Variants in CNTN4 observed in about 807,000 individuals in gnomAD.
The protein encoded by CNTN4 is contactin-4.
CNTN4 carries 77 observed loss-of-function variants against 122.5 expected under a neutral mutation model. That is an observed-to-expected ratio of 0.63 (90% CI 0.52 to 0.76). The LOEUF (loss-of-function observed/expected upper bound fraction) is 0.76, where lower values mean the gene tolerates loss of function less well. Among genes scored for constraint, CNTN4 ranks in the 30% least tolerant of loss-of-function variants. The pLI, the probability that CNTN4 is intolerant of heterozygous loss-of-function variation, is 0.00. For missense variants in CNTN4, 1,256 were observed against 1,259.1 expected (o/e 1.00, Z 0.04); for synonymous variants, 512 against 447.0 (o/e 1.15, Z -1.83).
intron 4 of CNTN4, among the ~76,000 whole-genome samples, chr3:2,594,253 G>A (rs752867525): frequency 1.3e-5 from 2 of 151,920 alleles, no homozygotes; most frequent in Non-Finnish European, 2.9e-5. Context: ...AATTTGAAAT[G>A]TTACTGATTA....
At chr3:2,705,755 T>G (rs1365681046) in intron 4 of CNTN4, among the ~76,000 whole-genome samples, 2 of 102,904 alleles carry the variant, frequency 1.9e-5, no homozygotes, top group African/African-American at 4.1e-5. Context: ...TGATATATAA[T>G]ATATAATATA....
chr3:2,733,649 T>G (rs2088865894), intron 4 of CNTN4, among the ~76,000 whole-genome samples: 1 of 151,652 alleles, frequency 6.6e-6, no homozygotes, highest in African/African-American at 2.4e-5. Flanking sequence ...TTCTCCTGCT[T>G]CAGCCTCCCG....
chr3:3,040,360 G>A, intron 20 of CNTN4, 89 bp downstream of exon 20: 1 of 999,164 alleles, frequency 1.0e-6, no homozygotes, highest in Non-Finnish European at 1.6e-6. Flanking sequence ...ATTTCGCATG[G>A]TACATGTATC....
chr3:2,513,636 T>G (rs2076955732), intron 3 of CNTN4, among the ~76,000 whole-genome samples: 1 of 152,194 alleles, frequency 6.6e-6, no homozygotes, highest in Non-Finnish European at 1.5e-5. Flanking sequence ...ACTTATACCT[T>G]ACAATATTAA....
chr3:2,417,239 A>C (rs1483911851), intron 3 of CNTN4, among the ~76,000 whole-genome samples: 1 of 152,212 alleles, frequency 6.6e-6, no homozygotes, highest in East Asian at 1.9e-4. Context: ...CCAACTACAG[A>C]TAAATAACTG....
intron 4 of CNTN4, among the ~76,000 whole-genome samples, chr3:2,687,580 G>A (rs1357733715): frequency 1.3e-5 from 2 of 152,142 alleles, no homozygotes; most frequent in African/African-American, 2.4e-5. Context: ...TCCTCAAGAG[G>A]TGGAGGTTGC....
intron 2 of CNTN4, among the ~76,000 whole-genome samples, chr3:2,296,151 G>C (rs1257222193): frequency 1.3e-5 from 2 of 152,072 alleles, no homozygotes; most frequent in African/African-American, 4.8e-5. Flanking sequence ...GGATTGACTT[G>C]GCGATGCGGG....
intron 3 of CNTN4, among the ~76,000 whole-genome samples, chr3:2,528,707 T>C (rs1436857890): frequency 6.6e-6 from 1 of 152,158 alleles, no homozygotes; most frequent in Non-Finnish European, 1.5e-5. Context: ...TCTGGTAGAA[T>C]ATGAACCAAG....
At chr3:2,281,344 G>C (rs1472671971) in intron 2 of CNTN4, among the ~76,000 whole-genome samples, 1 of 152,068 alleles carries the variant, frequency 6.6e-6, no homozygotes, top group Non-Finnish European at 1.5e-5. Flanking sequence ...AAAATGCCTA[G>C]TACAGGGACT....
intron 3 of CNTN4, among the ~76,000 whole-genome samples, chr3:2,455,216 A>G (rs1016782970): frequency 5.9e-5 from 9 of 152,132 alleles, no homozygotes; most frequent in Non-Finnish European, 1.0e-4. Context: ...GCAGGAAGCA[A>G]TAGGCAAATT....
At chr3:2,210,695 C>A (rs1299920716) in intron 2 of CNTN4, among the ~76,000 whole-genome samples, 1 of 152,188 alleles carries the variant, frequency 6.6e-6, no homozygotes, top group Non-Finnish European at 1.5e-5. Context: ...AACTTTGCTT[C>A]ACTCTTCTCT....
At chr3:2,856,849 G>A (rs550300546) in intron 7 of CNTN4, among the ~76,000 whole-genome samples, 1 of 152,322 alleles carries the variant, frequency 6.6e-6, no homozygotes, top group African/African-American at 2.4e-5. Context: ...TGAGCTGGAT[G>A]CATTTTACTT....
intron 4 of CNTN4, among the ~76,000 whole-genome samples, chr3:2,630,893 C>G (rs1272762902): frequency 6.6e-6 from 1 of 152,128 alleles, no homozygotes; most frequent in Non-Finnish European, 1.5e-5. Context: ...TGTACTTGAT[C>G]AAGTAAATTT....
chr3:2,186,963 G>T (rs961019189), intron 2 of CNTN4, among the ~76,000 whole-genome samples: 1 of 152,130 alleles, frequency 6.6e-6, no homozygotes, highest in African/African-American at 2.4e-5. Context: ...GGCTTTTGTT[G>T]CAATTGCTTT....
chr3:2,263,503 A>G (rs1366006524), intron 2 of CNTN4, among the ~76,000 whole-genome samples: 1 of 152,136 alleles, frequency 6.6e-6, no homozygotes, highest in Non-Finnish European at 1.5e-5. Flanking sequence ...TTAAATTGAT[A>G]TATAATAGTT....
Position 2,781,871 on chromosome 3 carries a change from C to T in CNTN4, c.358+36174C>T, listed in dbSNP as rs540443550. On this transcript the variant is annotated intron_variant, in intron 6 of 24. Coordinates refer to ENST00000418658, the MANE Select transcript of CNTN4 (RefSeq NM_175607.3). The stretch of plus-strand genomic sequence containing the variant: ...TCCCGAGTAGCTGGGACTGCAGGCG[C>T]CCGCACCACGCCCGGCTAATTTTTT... Among the ~76,000 whole-genome samples the T allele has an allele frequency of 3.0e-3, 266 of 88,732 alleles. 38 individuals carry two copies. The highest frequency in any genetic ancestry group is 0.016 in the African/African-American group (249 of 15,846). The allele number at this position is 88,732 out of a possible 152,430, so 58.2% of individuals were successfully genotyped here.
At chr3:3,020,571 C>T (rs1698204156) in intron 14 of CNTN4, among the ~76,000 whole-genome samples, 2 of 152,166 alleles carry the variant, frequency 1.3e-5, no homozygotes, top group African/African-American at 4.8e-5. Context: ...CATCCCCTCT[C>T]TGAGGGCGCC....
At chr3:2,597,816 T>C (rs991862203) in intron 4 of CNTN4, among the ~76,000 whole-genome samples, 1 of 152,198 alleles carries the variant, frequency 6.6e-6, no homozygotes, top group East Asian at 1.9e-4. Flanking sequence ...AAACAGCCTA[T>C]GTTTGTTCCC....
chr3:2,826,072 G>A (rs2092981461), intron 7 of CNTN4, among the ~76,000 whole-genome samples: 1 of 152,190 alleles, frequency 6.6e-6, no homozygotes, highest in Admixed American at 6.5e-5. Flanking sequence ...TAAGGAAATA[G>A]AAGCAAAGAG....
Sources: gnomAD v4.1 joint callset for allele counts (sites outside exome capture counted in the v4.1 genomes callset) on GRCh38, gnomAD v4.1.1 for gene constraint, MANE v1.5 for transcripts, NCBI Gene and HGNC (gene_info 2026-07-23, HGNC 2026-07-21) for gene names.